LRRC37B: variants seen among roughly 807,000 people sequenced by gnomAD.
LRRC37B encodes the protein leucine rich repeat containing 37B, also known as leucine-rich repeat-containing protein 37B.
A neutral mutation model predicts 98.3 loss-of-function variants in LRRC37B; 28 were observed. The ratio of observed to expected loss-of-function variants is 0.28; its 90% confidence interval spans 0.21 to 0.39. The LOEUF is 0.39. Among genes scored for constraint, LRRC37B ranks in the 10% least tolerant of loss-of-function variants. The pLI is 1.00. For synonymous variants in LRRC37B, 364 were observed against 442.7 expected (o/e 0.82, Z 2.23); for missense variants, 938 against 1,182.7 (o/e 0.79, Z 3.03).
At chr17:32,022,099 C>T (rs544433097) in exon 1 of LRRC37B, 8 of 1,613,684 alleles carry the variant, frequency 5.0e-6, no homozygotes, top group Non-Finnish European at 6.8e-6. Context: ...CTAGCTCAAA[C>T]TCCACTGAAT....
At chr17:32,013,804 G>A (rs1282830179) in intron 1 of LRRC37B, among the ~76,000 whole-genome samples, 3 of 151,710 alleles carry the variant, frequency 2.0e-5, no homozygotes, top group Non-Finnish European at 4.4e-5. Flanking sequence ...ATATCTACAT[G>A]CATACATTGT....
At chr17:32,039,546 CTA>C (rs1304973227) in intron 7 of LRRC37B, among the ~76,000 whole-genome samples, 28 of 76,506 alleles carry the variant, frequency 3.7e-4, no homozygotes, top group African/African-American at 1.4e-3. Flanking sequence ...ATATATATTT[CTA>C]TATATATATT....
chr17:32,007,587 C>T (rs1910437394), upstream of LRRC37B, among the ~76,000 whole-genome samples: 1 of 151,302 alleles, frequency 6.6e-6, no homozygotes, highest in South Asian at 2.1e-4. The surrounding 1 kb of genome is among the most constrained non-coding windows in gnomAD (Gnocchi z 4.1). Flanking sequence ...TTTCCCTTCT[C>T]CCGCCGCCTG....
chr17:32,039,510 A>ATTTT (rs1911353940), intron 7 of LRRC37B, among the ~76,000 whole-genome samples: 1 of 44,756 alleles, frequency 2.2e-5, no homozygotes, highest in African/African-American at 1.1e-4. Context: ...ATATATATAT[A>ATTTT]TATATATATA....
chr17:32,030,503 G>T (rs1335017554), intron 3 of LRRC37B, among the ~76,000 whole-genome samples, 153 bp from the exon 7 acceptor site: 1 of 150,840 alleles, frequency 6.6e-6, no homozygotes, highest in East Asian at 1.9e-4. Context: ...GTACAGGCAG[G>T]GTTAGGAGCT....
chr17:32,041,314 C>G, intron 7 of LRRC37B: 1 of 756,584 alleles, frequency 1.3e-6, no homozygotes, highest in South Asian at 1.4e-5. Flanking sequence ...TCCATCTGGA[C>G]TCCTAGCAGG....
At chr17:32,019,460 C>G (rs576077980), upstream of LRRC37B, among the ~76,000 whole-genome samples, 6 of 152,298 alleles carry the variant, frequency 3.9e-5, no homozygotes, top group South Asian at 2.1e-4. Context: ...ACACATTTCT[C>G]AAGCTCTTCA....
At chr17:32,031,196 A>G (rs974820188) in intron 4 of LRRC37B, among the ~76,000 whole-genome samples, 182 bp from the exon 8 acceptor site, 17 of 152,236 alleles carry the variant, frequency 1.1e-4, no homozygotes, top group African/African-American at 4.1e-4. Flanking sequence ...TTTTGTAGCT[A>G]ATGCACCACA....
At chr17:32,031,242 C>T (rs1431532256) in intron 4 of LRRC37B, 136 bp from the exon 8 acceptor site, 4 of 1,385,042 alleles carry the variant, frequency 2.9e-6, no homozygotes, top group Non-Finnish European at 3.9e-6. Context: ...AAGCCAGTAT[C>T]TTCCACAGTG....
Position 32,049,262 on chromosome 17 carries a change from C to T in LRRC37B, c.2625C>T (p.Leu875=), listed in dbSNP as rs775413317. The change falls in exon 10 of 12, where the codon CTC becomes CTT. Residue 875 remains leucine, a synonymous_variant. Transcript: ENST00000327564. Reference sequence around the variant, plus strand: ...CCAAGCTCATGTTGCGAACAGGCCTCCTGATGAAGCTTCTCAGCGAGCAGC... The same window carrying T: ...CCAAGCTCATGTTGCGAACAGGCCTTCTGATGAAGCTTCTCAGCGAGCAGC... 19 of 1,613,210 alleles carry T rather than the reference C, an allele frequency of 1.2e-5. No homozygotes were observed. The African/African-American group carries it at 2.3e-4, about 19-fold the overall frequency.
exon 1 of LRRC37B, chr17:32,021,689 A>T: frequency 1.2e-6 from 2 of 1,614,242 alleles, no homozygotes; most frequent in Non-Finnish European, 1.7e-6. Flanking sequence ...AGGTTTCAAG[A>T]CCAACCAAAT....
intron 2 of LRRC37B, among the ~76,000 whole-genome samples, chr17:32,027,375 TTG>T (rs142638981): frequency 1.5e-4 from 21 of 137,200 alleles, no homozygotes; most frequent in African/African-American, 3.6e-4. Context: ...GTGTGTGTGC[TTG>T]TGTGTGTGTG....
chr17:32,053,051 T>G, intron 11 of LRRC37B: 1 of 549,380 alleles, frequency 1.8e-6, no homozygotes, highest in Non-Finnish European at 3.3e-6. Context: ...TGGTATGGTG[T>G]GGGGGCGATA....
chr17:32,052,978 G>T (rs569427644), intron 11 of LRRC37B: 27 of 292,328 alleles, frequency 9.2e-5, no homozygotes, highest in Middle Eastern at 1.1e-3. Flanking sequence ...TATGGGGGGG[G>T]GTGTGTTGGT....
chr17:32,030,140 A>T (rs1438013717), intron 3 of LRRC37B, among the ~76,000 whole-genome samples: 1 of 152,128 alleles, frequency 6.6e-6, no homozygotes, highest in Non-Finnish European at 1.5e-5. Context: ...TTCTATTAAT[A>T]TGATAGAAAT....
At chr17:32,043,597 G>T (rs1357721561) in intron 7 of LRRC37B, among the ~76,000 whole-genome samples, 5 of 152,126 alleles carry the variant, frequency 3.3e-5, no homozygotes, top group African/African-American at 9.7e-5. Flanking sequence ...AGTTAAGGTT[G>T]CTATATAAGT....
chr17:32,036,563 T>C (rs1911249550), intron 7 of LRRC37B, among the ~76,000 whole-genome samples: 1 of 152,246 alleles, frequency 6.6e-6, no homozygotes, highest in Non-Finnish European at 1.5e-5. Context: ...TCAAGTATTA[T>C]GTCATTCCAT....
At chr17:32,016,298 G>A (rs1314552161), upstream of LRRC37B, among the ~76,000 whole-genome samples, 4 of 152,164 alleles carry the variant, frequency 2.6e-5, no homozygotes, top group Non-Finnish European at 4.4e-5. Context: ...ATTCAGTCAA[G>A]AAATTCACTC....
chr17:32,049,870 AAAAAAT>A (rs1283995477), intron 10 of LRRC37B, 127 bp from the exon 14 acceptor site: 1 of 573,612 alleles, frequency 1.7e-6, no homozygotes, highest in Non-Finnish European at 3.1e-6. Flanking sequence ...CCTGTCTCAA[AAAAAAT>A]AAAAAGAACA....
Sources: gnomAD v4.1 joint callset for allele counts (sites outside exome capture counted in the v4.1 genomes callset) on GRCh38, gnomAD v4.1.1 for gene constraint, Gnocchi (gnomAD v3.1) non-coding constraint, MANE v1.5 for transcripts, NCBI Gene and HGNC (gene_info 2026-07-23, HGNC 2026-07-21) for gene names.